TPRG1: variants seen among roughly 807,000 people sequenced by gnomAD.
TPRG1 encodes the protein tumor protein p63 regulated 1.
TPRG1 carries 29 observed loss-of-function variants against 29.3 expected under a neutral mutation model. That is an observed-to-expected ratio of 0.99 (90% CI 0.74 to 1.35). The LOEUF is 1.35. TPRG1 is among the 40% of genes most tolerant of loss of function. The pLI, the probability that TPRG1 is intolerant of heterozygous loss-of-function variation, is 0.00. For synonymous variants in TPRG1, 130 were observed against 116.8 expected (o/e 1.11, Z -0.73); for missense variants, 327 against 335.0 (o/e 0.98, Z 0.19).
chr3:189,025,190 C>G (rs1037679417), intron 4 of TPRG1, among the ~76,000 whole-genome samples: 1 of 152,136 alleles, frequency 6.6e-6, no homozygotes, highest in Admixed American at 6.5e-5. Context: ...CCACACAGCT[C>G]TGTGTGTTGG....
At chr3:189,272,768 C>G (rs1448264737) in intron 4 of TPRG1, among the ~76,000 whole-genome samples, 2 of 147,332 alleles carry the variant, frequency 1.4e-5, no homozygotes, top group Non-Finnish European at 3.0e-5. Flanking sequence ...TCCTTCCTTC[C>G]TTCCTTCCCT....
At chr3:189,005,040 A>T (rs1383978993) in intron 3 of TPRG1, among the ~76,000 whole-genome samples, 2 of 152,064 alleles carry the variant, frequency 1.3e-5, no homozygotes, top group Non-Finnish European at 2.9e-5. Flanking sequence ...TATTTATGGG[A>T]TCTAAAAATC....
intron 2 of TPRG1, among the ~76,000 whole-genome samples, chr3:189,214,748 A>C (rs1735771010): frequency 1.3e-5 from 2 of 152,190 alleles, no homozygotes; most frequent in Admixed American, 1.3e-4. Context: ...TAAAGAGTCT[A>C]TGAACTTACT....
intron 4 of TPRG1, among the ~76,000 whole-genome samples, chr3:189,029,260 A>C (rs1713817944): frequency 6.6e-6 from 1 of 152,238 alleles, no homozygotes; most frequent in Non-Finnish European, 1.5e-5. Context: ...TGACTTCAAC[A>C]GCTGAAAACA....
chr3:189,284,527 C>T (rs998957052), intron 4 of TPRG1, among the ~76,000 whole-genome samples: 11 of 152,090 alleles, frequency 7.2e-5, no homozygotes, highest in South Asian at 2.1e-4. Flanking sequence ...CTACAAAGGA[C>T]GTGAACTCAT....
chr3:189,190,829 T>G lies in TPRG1; in HGVS notation c.-9-16547T>G, dbSNP rs115506450. 2.2e-3 allele frequency: 619 copies of G among 279,530 alleles called. 6 individuals are homozygous for G. Among genetic ancestry groups the G allele is most frequent in the African/African-American group, 0.013 (553 of 43,920 alleles). The allele number at this position is 279,530 out of a possible 1,614,324, so 17.3% of individuals were successfully genotyped here. A position where few individuals can be genotyped will look rare whatever the true frequency, so the allele number is the denominator to read the frequency against. On this transcript the variant is annotated intron_variant, in intron 1 of 5. Transcript: ENST00000345063. ...CACTCTTCATAATGAGTTCTTTCAT[T>G]AATCTTTCCCTGATCCATATTCCTA...
chr3:189,123,994 C>T (rs1722135110), intron 1 of TPRG1, among the ~76,000 whole-genome samples: 1 of 152,184 alleles, frequency 6.6e-6, no homozygotes, highest in African/African-American at 2.4e-5. Flanking sequence ...ATTTGAAATG[C>T]ATTAGAGTAA....
chr3:189,168,620 C>T (rs981529027), upstream of TPRG1, among the ~76,000 whole-genome samples: 22 of 152,028 alleles, frequency 1.4e-4, no homozygotes, highest in African/African-American at 3.1e-4. Flanking sequence ...TATAAGAGGG[C>T]GGTACTAGTG....
chr3:189,007,061 T>G (rs1263201020), intron 3 of TPRG1, among the ~76,000 whole-genome samples: 3 of 151,726 alleles, frequency 2.0e-5, no homozygotes, highest in African/African-American at 7.3e-5. Flanking sequence ...CTAATTAAAC[T>G]AAAGAGCTTC....
intron 4 of TPRG1, among the ~76,000 whole-genome samples, chr3:189,091,126 CTT>C (rs1317246520): frequency 6.6e-6 from 1 of 152,060 alleles, no homozygotes; most frequent in Non-Finnish European, 1.5e-5. Flanking sequence ...ATATTTAAAA[CTT>C]TGCCTGAGAA....
chr3:189,007,938 C>T (rs1578184495), intron 3 of TPRG1, among the ~76,000 whole-genome samples: 1 of 146,782 alleles, frequency 6.8e-6, no homozygotes, highest in South Asian at 2.2e-4. Context: ...GGGAGATATA[C>T]CTAATGCTAG....
chr3:189,268,478 T>G (rs1560627501), intron 4 of TPRG1, among the ~76,000 whole-genome samples: 1 of 152,192 alleles, frequency 6.6e-6, no homozygotes, highest in Non-Finnish European at 1.5e-5. Flanking sequence ...GAGGTTATAT[T>G]TAAATGAGAA....
chr3:189,168,851 A>G (rs568353230), upstream of TPRG1, among the ~76,000 whole-genome samples: 9 of 152,228 alleles, frequency 5.9e-5, no homozygotes, highest in African/African-American at 2.2e-4. Flanking sequence ...ACCAATTTTT[A>G]TCTGCATGAT....
At position 189,322,402 on chromosome 3, in the gene TPRG1, T is replaced by A. The variant is rs953636652; in HGVS notation, c.*1582T>A. 3.3e-5 allele frequency: 5 copies of A among 152,512 alleles called. No homozygotes were observed. The highest frequency in any genetic ancestry group is 7.2e-5 in the African/African-American group (3 of 41,418). The allele number at this position is 152,512 out of a possible 1,614,324, so 9.4% of individuals were successfully genotyped here. ...TTTTTTTCTTTCCCTCTCTTCCGCC[T>A]TTACAGCACCCACTTTTTCTTCCCC... On this transcript the variant is annotated 3_prime_UTR_variant, in exon 6 of 6. Transcript: ENST00000345063.
intron 2 of TPRG1, among the ~76,000 whole-genome samples, chr3:189,130,599 T>C (rs1325320920): frequency 3.3e-5 from 5 of 152,052 alleles, no homozygotes; most frequent in African/African-American, 1.2e-4. Context: ...TGGACTGTAA[T>C]AGGATGAAAC....
rs901599185 is a variant in TPRG1, at chr3:189,126,321, C to T, written c.-743-736C>T. On this transcript the variant is annotated intron_variant, in intron 1 of 6. Transcript: ENST00000412373. Reference sequence around the variant, plus strand: ...AAAAAAATACCACTCTGCTTTCAGACAGAACTTGAAGGTTATTTCTTCTTT... The same window carrying T: ...AAAAAAATACCACTCTGCTTTCAGATAGAACTTGAAGGTTATTTCTTCTTT... 3.3e-5 allele frequency among the ~76,000 whole-genome samples: 5 copies of T among 152,290 alleles called. No homozygotes were observed. In the South Asian group the frequency reaches 1.0e-3, roughly 32 times the overall value.
chr3:189,058,866 A>G (rs776335599), intron 4 of TPRG1, among the ~76,000 whole-genome samples: 19 of 152,190 alleles, frequency 1.2e-4, no homozygotes, highest in Non-Finnish European at 2.5e-4. Flanking sequence ...TATATTAACT[A>G]TAAGGCATAC....
chr3:189,215,238 G>T, intron 2 of TPRG1, 54 bp from the exon 3 acceptor site: 4 of 1,454,878 alleles, frequency 2.7e-6, no homozygotes, highest in Non-Finnish European at 2.8e-6. Flanking sequence ...CTAATCATAA[G>T]CGCGAAGTGG....
At chr3:189,289,215 AG>A (rs1405242183) in intron 4 of TPRG1, among the ~76,000 whole-genome samples, 1 of 152,144 alleles carries the variant, frequency 6.6e-6, no homozygotes, top group Non-Finnish European at 1.5e-5. Context: ...TCTCTTCTGT[AG>A]GTCTTTATTT....
Sources: allele counts gnomAD v4.1 joint callset (sites outside exome capture counted in the v4.1 genomes callset), GRCh38; gene constraint gnomAD v4.1.1; transcripts MANE v1.5; gene names NCBI Gene and HGNC (gene_info 2026-07-23, HGNC 2026-07-21).